The following MTMR9 variants were observed in gnomAD, a reference collection of about 807,000 sequenced individuals.
MTMR9 encodes the protein myotubularin-related protein 9.
Under a neutral mutation model 69.5 loss-of-function variants are expected in MTMR9, and 39 were observed. The observed-to-expected ratio is 0.56, with a 90% CI of 0.43 to 0.73. MTMR9 has a LOEUF of 0.73. Ranked by LOEUF, MTMR9 falls within the 30% of genes least tolerant of loss-of-function variation. MTMR9 has a pLI of 0.00. For synonymous variants in MTMR9, 354 were observed against 240.8 expected, an observed-to-expected ratio of 1.47 and a Z score of -4.35; for missense variants, 900 against 671.2, an observed-to-expected ratio of 1.34 and a Z score of -3.77.
chr8:11,319,851 T>A lies in MTMR9; in HGVS notation c.1486+13T>A. On this transcript the variant is annotated intron_variant, in intron 9 of 9. Coordinates refer to ENST00000221086, the MANE Select transcript of MTMR9 (RefSeq NM_015458.4). ...CCACTGTGGGAAGGTAAACCACGCA[T>A]CCTTTGCAAACTTCTTAACGGTCAG... 6.2e-7 allele frequency: 1 copy of A among 1,613,614 alleles called. No individual in the cohort carries two copies. Among genetic ancestry groups the A allele is most frequent in the Non-Finnish European group, 8.5e-7 (1 of 1,179,718 alleles).
intron 6 of MTMR9, among the ~76,000 whole-genome samples, chr8:11,313,780 T>C (rs988091280): frequency 2.0e-5 from 3 of 152,190 alleles, no homozygotes; most frequent in Admixed American, 2.0e-4. Flanking sequence ...CTTGTAGAAG[T>C]AACATCAAAG....
chr8:11,323,582 G>A lies in MTMR9; in HGVS notation c.*794G>A, dbSNP rs1478735094. On this transcript the variant is annotated 3_prime_UTR_variant, in exon 10 of 10. Transcript: ENST00000221086. Reference sequence around the variant, plus strand: ...ACATATACAATGTGTTTCAAATGCTGCTTGTAAAATTAAACCATCATCTAG... The same window carrying A: ...ACATATACAATGTGTTTCAAATGCTACTTGTAAAATTAAACCATCATCTAG... The A allele has an allele frequency of 6.6e-6, 1 of 152,184 alleles. No individual in the cohort carries two copies. The highest frequency in any genetic ancestry group is 1.5e-5 in the Non-Finnish European group (1 of 68,038). 9.4% of individuals were successfully genotyped at this position (152,184 alleles called of 1,614,324 possible).
intron 7 of MTMR9, among the ~76,000 whole-genome samples, chr8:11,315,405 A>T (rs1351804053): frequency 6.6e-6 from 1 of 152,190 alleles, no homozygotes; most frequent in African/African-American, 2.4e-5. Flanking sequence ...TGGGGCCTGT[A>T]GTTGCAAGGA....
chr8:11,294,949 C>T (rs1799500512), intron 1 of MTMR9: 1 of 248,698 alleles, frequency 4.0e-6, no homozygotes, highest in Non-Finnish European at 7.5e-6. Flanking sequence ...CCCAAATAAT[C>T]TCCATCAGAA....
intron 2 of MTMR9, among the ~76,000 whole-genome samples, chr8:11,296,712 C>G (rs1445478584): frequency 6.6e-6 from 1 of 152,106 alleles, no homozygotes; most frequent in Non-Finnish European, 1.5e-5. Context: ...TAAATTCTGA[C>G]TTTTTAAGGC....
At chr8:11,321,655 T>A (rs1349307700) in intron 9 of MTMR9, 1 of 338,032 alleles carries the variant, frequency 3.0e-6, no homozygotes. Context: ...GCATCTATAT[T>A]GAATAAGACT....
intron 7 of MTMR9, among the ~76,000 whole-genome samples, chr8:11,315,644 A>T (rs557745006): frequency 1.7e-4 from 26 of 152,298 alleles, no homozygotes; most frequent in African/African-American, 5.8e-4. Context: ...GAAAGCAGAC[A>T]TTTTTCTGGC....
intron 9 of MTMR9, 69 bp downstream of exon 9, chr8:11,319,907 T>C: frequency 1.3e-6 from 2 of 1,505,880 alleles, no homozygotes; most frequent in Admixed American, 1.8e-5. Flanking sequence ...GAGTGTGTGC[T>C]GTTGGTGATG....
At chr8:11,286,370 A>G (rs981205003) in intron 1 of MTMR9, among the ~76,000 whole-genome samples, 10 of 151,844 alleles carry the variant, frequency 6.6e-5, no homozygotes, top group African/African-American at 2.2e-4. Context: ...TTTGCTGTAT[A>G]AAGTCTTCAG....
intron 3 of MTMR9, among the ~76,000 whole-genome samples, chr8:11,304,560 A>G (rs1799869820): frequency 1.3e-5 from 2 of 152,226 alleles, no homozygotes. Context: ...AAAGTACAGT[A>G]AAAACCAATA....
intron 3 of MTMR9, 32 bp downstream of exon 3, chr8:11,300,180 A>G: frequency 6.2e-7 from 1 of 1,608,220 alleles, no homozygotes; most frequent in Non-Finnish European, 8.5e-7. Context: ...GTGGATTATG[A>G]GAAGTAACCC....
downstream of MTMR9, among the ~76,000 whole-genome samples, chr8:11,329,505 A>G (rs1462276881): frequency 2.0e-5 from 3 of 152,236 alleles, no homozygotes; most frequent in African/African-American, 4.8e-5. Context: ...TGGTGGAGAC[A>G]GGGTTTCGCT....
chr8:11,322,862 C>G lies in MTMR9; in HGVS notation c.*74C>G. 7.2e-7 allele frequency: 1 copy of G among 1,384,714 alleles called. No individual in the cohort carries two copies. The highest frequency in any genetic ancestry group is 9.9e-7 in the Non-Finnish European group (1 of 1,009,022). 85.8% of individuals were successfully genotyped at this position (1,384,714 alleles called of 1,614,324 possible). Reference sequence around the variant, plus strand: ...CGTTCTCTCCTTGTGCCCTTCAGTTCACTTTTACACGGTAGCCTTGAAGTG... The same window carrying G: ...CGTTCTCTCCTTGTGCCCTTCAGTTGACTTTTACACGGTAGCCTTGAAGTG... On this transcript the variant is annotated 3_prime_UTR_variant, in exon 10 of 10. Transcript: ENST00000221086.
rs1563274783 is a variant in MTMR9 at position 11,304,901 on chromosome 8, C to T, written c.478C>T (p.Pro160Ser). ...KEFAVCPSYP[P>S]IVTVPKSIDD... Reference sequence around the variant, plus strand: ...ATTTGCTGTCTGTCCCTCTTACCCACCAATTGTCACAGTGCCCAAATCCAT... The same window carrying T: ...ATTTGCTGTCTGTCCCTCTTACCCATCAATTGTCACAGTGCCCAAATCCAT... Residue 160 changes from proline to serine, a missense_variant, in exon 4 of 10, where the codon CCA becomes TCA. Coordinates refer to ENST00000221086, the MANE Select transcript of MTMR9 (RefSeq NM_015458.4). The T allele has an allele frequency of 1.2e-6, 2 of 1,614,110 alleles. No homozygotes were observed. Among genetic ancestry groups the T allele is most frequent in the Non-Finnish European group, 1.7e-6 (2 of 1,179,968 alleles).
intron 1 of MTMR9, among the ~76,000 whole-genome samples, chr8:11,286,701 G>T (rs1314246474): frequency 6.7e-6 from 1 of 148,246 alleles, no homozygotes; most frequent in Admixed American, 6.7e-5. Flanking sequence ...AGTCTTCAGT[G>T]GTCTCTCATT....
At chr8:11,318,065 A>G (rs1800504023) in intron 8 of MTMR9, 1 of 152,234 alleles carries the variant, frequency 6.6e-6, no homozygotes, top group South Asian at 2.1e-4. Context: ...ACTCTTCAGT[A>G]AAGCAATGTA....
intron 9 of MTMR9, among the ~76,000 whole-genome samples, chr8:11,321,850 G>C (rs920194992): frequency 7.9e-5 from 12 of 152,140 alleles, no homozygotes; most frequent in African/African-American, 2.9e-4. Context: ...TAGGACCCAT[G>C]GCAGTTTGGT....
rs748166303 is a variant in MTMR9 at position 11,316,756 on chromosome 8, C to G, written c.1197C>G (p.Leu399=). 1.2e-6 allele frequency: 2 copies of G among 1,613,906 alleles called. No individual in the cohort carries two copies. Among genetic ancestry groups the G allele is most frequent in the East Asian group, 2.2e-5 (1 of 44,830 alleles). ...KQKWEAPVFL[L]FLDCVWQILR... ...AGTGGGAGGCTCCTGTATTTCTTCTCTTCTTGGACTGCGTGTGGCAGATCC... is the reference window on the plus strand; with the variant it reads ...AGTGGGAGGCTCCTGTATTTCTTCTGTTCTTGGACTGCGTGTGGCAGATCC... The change falls in exon 8 of 10, where the codon CTC becomes CTG. Residue 399 remains leucine (L), a synonymous_variant. Coordinates refer to ENST00000221086, the MANE Select transcript of MTMR9 (RefSeq NM_015458.4).
At chr8:11,301,555 A>G (rs1037059069) in intron 3 of MTMR9, among the ~76,000 whole-genome samples, 2 of 152,250 alleles carry the variant, frequency 1.3e-5, no homozygotes, top group African/African-American at 4.8e-5. Flanking sequence ...AAACCTCTTT[A>G]AGAAAGCACA....
Sources: allele counts gnomAD v4.1 joint callset (sites outside exome capture counted in the v4.1 genomes callset), GRCh38; gene constraint gnomAD v4.1.1; transcripts MANE v1.5; gene names NCBI Gene and HGNC (gene_info 2026-07-23, HGNC 2026-07-21).